The following TSPEAR variants were observed in gnomAD, a reference collection of about 807,000 sequenced individuals.
The protein encoded by TSPEAR is thrombospondin type laminin G domain and EAR repeats.
Under a neutral mutation model 71.6 loss-of-function variants are expected in TSPEAR, and 69 were observed. The observed-to-expected ratio is 0.96, with a 90% CI of 0.79 to 1.18. The LOEUF is 1.18. TSPEAR is among the 50% of genes most tolerant of loss of function. TSPEAR has a pLI of 0.00. For missense variants in TSPEAR, 971 were observed against 894.9 expected (o/e 1.09, Z -1.09); for synonymous variants, 402 against 387.2 (o/e 1.04, Z -0.45).
intron 1 of TSPEAR, among the ~76,000 whole-genome samples, chr21:44,682,737 GCTTCCAAAATGCAGTGTCAC>G (rs1184717740): frequency 7.9e-5 from 12 of 152,290 alleles, no homozygotes; most frequent in South Asian, 6.2e-4. Context: ...GCTGGGGCAG[GCTTCCAAAATGCAGTGTCAC>G]CTTCCAAAAT....
chr21:44,514,281 C>T (rs1281822572), intron 9 of TSPEAR, among the ~76,000 whole-genome samples: 1 of 152,220 alleles, frequency 6.6e-6, no homozygotes, highest in Non-Finnish European at 1.5e-5. Context: ...CACATGGCTG[C>T]CTGCCGGGCA....
intron 1 of TSPEAR, chr21:44,697,835 C>T: frequency 6.2e-7 from 1 of 1,613,574 alleles, no homozygotes; most frequent in Non-Finnish European, 8.5e-7. Context: ...CGTGCCCGTC[C>T]CCTCCTGCTG....
intron 1 of TSPEAR, among the ~76,000 whole-genome samples, chr21:44,595,619 C>G (rs1374413509): frequency 1.3e-5 from 2 of 152,184 alleles, no homozygotes; most frequent in African/African-American, 4.8e-5. Flanking sequence ...CACTGGGGCA[C>G]TTTAAACAAC....
intron 1 of TSPEAR, among the ~76,000 whole-genome samples, chr21:44,603,914 C>A (rs1981143063): frequency 6.6e-6 from 1 of 152,232 alleles, no homozygotes; most frequent in Non-Finnish European, 1.5e-5. Context: ...AGCACACAAT[C>A]AAAGTTTCCA....
In TSPEAR at chr21:44,508,674, G is replaced by A. The variant is rs114301585; in HGVS notation, c.1754+525C>T. 8.0e-4 allele frequency: 959 copies of A among 1,201,708 alleles called. 8 individuals are homozygous for A. In the African/African-American group the frequency reaches 0.012, roughly 15 times the overall value. 74.4% of individuals were successfully genotyped at this position (1,201,708 alleles called of 1,614,324 possible). ...GTCGGTCTGGAACCATCACTTTCTC[G>A]TACATACAGACCCACCCTCCATGTT... On this transcript the variant is annotated intron_variant, in intron 10 of 11. Transcript: ENST00000323084.
intron 1 of TSPEAR, among the ~76,000 whole-genome samples, chr21:44,656,472 A>C (rs1985154524): frequency 6.6e-6 from 1 of 151,480 alleles, no homozygotes; most frequent in African/African-American, 2.4e-5. Context: ...ATTTTTTTTG[A>C]GCATTTTAAA....
Position 44,529,901 on chromosome 21 carries a change from C to T in TSPEAR, c.687G>A (p.Leu229=). Residue 229 remains leucine (L), a synonymous_variant, in exon 5 of 12, where the codon CTG becomes CTA. Coordinates refer to ENST00000323084, the MANE Select transcript of TSPEAR (RefSeq NM_144991.3). ...CCAGCGGGGCGTTCCTGCTGGGACA[C>T]AGCCTTGGGGTGGCGTCTGAGCCCG... ...LLPGSDATPR[L]CPSRNAPLAV... is the part of the protein sequence containing the mutation. 2 of 1,612,620 alleles carry T rather than the reference C, an allele frequency of 1.2e-6. No individual in the cohort carries two copies. The highest frequency in any genetic ancestry group is 1.7e-4 in the Middle Eastern group (1 of 6,052).
intron 9 of TSPEAR, chr21:44,510,937 A>G (rs2052352864): frequency 6.6e-6 from 1 of 152,214 alleles, no homozygotes; most frequent in Non-Finnish European, 1.5e-5. Context: ...CCCCTCCTGC[A>G]GCTCCACGAG....
At chr21:44,568,791 T>C (rs1338961926) in intron 1 of TSPEAR, among the ~76,000 whole-genome samples, 1 of 152,160 alleles carries the variant, frequency 6.6e-6, no homozygotes, top group East Asian at 1.9e-4. Flanking sequence ...AGGGCGTGGC[T>C]GAATGAAGCA....
rs114816820 is a variant in TSPEAR at position 44,576,175 on chromosome 21, C to T, written c.83-8170G>A. On this transcript the variant is annotated intron_variant, in intron 1 of 11. Coordinates refer to ENST00000323084, the MANE Select transcript of TSPEAR (RefSeq NM_144991.3). ...CATGCACAGGTGTCAGAGGGTGGCC[C>T]GGGAACTCAGCCGCAGTGGAGGTGG... Among the ~76,000 whole-genome samples the T allele has an allele frequency of 6.1e-3, 935 of 152,312 alleles. 16 individuals are homozygous for T. Among genetic ancestry groups the T allele is most frequent in the African/African-American group, 0.02 (849 of 41,578 alleles).
chr21:44,612,329 G>A lies in TSPEAR; in HGVS notation c.83-44324C>T. Reference sequence around the variant, plus strand: ...AGCCCCCTGCCTGGCCCTGGTCTGTGCCCCAGTGAGCTGTGAGCCCAGCCC... The same window carrying A: ...AGCCCCCTGCCTGGCCCTGGTCTGTACCCCAGTGAGCTGTGAGCCCAGCCC... On this transcript the variant is annotated intron_variant, in intron 1 of 11. Transcript: ENST00000323084. The surrounding 1 kb of genome is among the most constrained non-coding windows in gnomAD (Gnocchi z 4.1). 3 of 1,613,658 alleles carry A rather than the reference G, an allele frequency of 1.9e-6. No homozygotes were observed. Among genetic ancestry groups the A allele is most frequent in the Non-Finnish European group, 2.5e-6 (3 of 1,180,002 alleles).
In TSPEAR at chr21:44,612,060, A is replaced by G. The variant is rs1981711369; in HGVS notation, c.83-44055T>C. The G allele has an allele frequency of 6.3e-7, 1 of 1,587,764 alleles. No individual in the cohort carries two copies. Among genetic ancestry groups the G allele is most frequent in the South Asian group, 1.1e-5 (1 of 88,232 alleles). ...GCAGCCAGGGCACACAAACCCACAC[A>G]CCTCACACCAGCACTCACACCACCC... On this transcript the variant is annotated intron_variant, in intron 1 of 11. Transcript: ENST00000323084. This position sits in a 1 kb window ranked among gnomAD's most constrained non-coding sequence, Gnocchi z 4.1.
chr21:44,514,562 C>T (rs1569156291), intron 9 of TSPEAR, among the ~76,000 whole-genome samples: 1 of 152,206 alleles, frequency 6.6e-6, no homozygotes, highest in Non-Finnish European at 1.5e-5. Context: ...GAAGCTGCAA[C>T]ACCTTCTGAG....
chr21:44,623,698 T>C lies in TSPEAR; in HGVS notation c.83-55693A>G, dbSNP rs782686088. Among the ~76,000 whole-genome samples the C allele has an allele frequency of 2.6e-5, 4 of 152,246 alleles. No individual in the cohort carries two copies. The highest frequency in any genetic ancestry group is 4.4e-5 in the Non-Finnish European group (3 of 68,030). Reference sequence around the variant, plus strand: ...TTCTTCCCAGGTGTAGAATTCTAGCTTGGTGCTTCTTTTCTTTCAGACAGT... The same window carrying C: ...TTCTTCCCAGGTGTAGAATTCTAGCCTGGTGCTTCTTTTCTTTCAGACAGT... On this transcript the variant is annotated intron_variant, in intron 1 of 11. Coordinates refer to ENST00000323084, the MANE Select transcript of TSPEAR (RefSeq NM_144991.3). This position sits in a 1 kb window ranked among gnomAD's most constrained non-coding sequence, Gnocchi z 4.5.
At chr21:44,690,335 C>G (rs1046610335) in intron 1 of TSPEAR, among the ~76,000 whole-genome samples, 2 of 152,126 alleles carry the variant, frequency 1.3e-5, no homozygotes, top group South Asian at 4.1e-4. Context: ...AGTCTTCAGG[C>G]TGAAAAGAAC....
chr21:44,601,966 A>G, intron 1 of TSPEAR: 1 of 660,544 alleles, frequency 1.5e-6, no homozygotes, highest in Non-Finnish European at 2.6e-6. Flanking sequence ...GTGGGCAGTG[A>G]CCCCAGCAAG....
intron 1 of TSPEAR, chr21:44,627,422 G>A: frequency 2.5e-6 from 4 of 1,613,772 alleles, no homozygotes; most frequent in Non-Finnish European, 3.4e-6. Context: ...CAGCAGTCTA[G>A]CTGCCAGCCG....
intron 1 of TSPEAR, among the ~76,000 whole-genome samples, chr21:44,694,180 C>T (rs993454869): frequency 1.3e-5 from 2 of 152,094 alleles, no homozygotes; most frequent in African/African-American, 4.8e-5. Context: ...TAGATTTCCA[C>T]ATGAAAAGAA....
rs782655029 is a variant in TSPEAR, at chr21:44,623,061, C to T, written c.83-55056G>A. ...ATGAGCAAAGCCCCCTGAGGCCTCCCCAGAAGCTGAGCAGATGCCAGCGCC... is the reference window on the plus strand; with the variant it reads ...ATGAGCAAAGCCCCCTGAGGCCTCCTCAGAAGCTGAGCAGATGCCAGCGCC... On this transcript the variant is annotated intron_variant, in intron 1 of 11. Coordinates refer to ENST00000323084, the MANE Select transcript of TSPEAR (RefSeq NM_144991.3). This position sits in a 1 kb window ranked among gnomAD's most constrained non-coding sequence, Gnocchi z 4.5. 1.1e-4 allele frequency among the ~76,000 whole-genome samples: 17 copies of T among 152,172 alleles called. No homozygotes were observed. Among genetic ancestry groups the T allele is most frequent in the Non-Finnish European group, 2.2e-4 (15 of 68,022 alleles).
Sources: gnomAD v4.1 joint callset for allele counts (sites outside exome capture counted in the v4.1 genomes callset) on GRCh38, gnomAD v4.1.1 for gene constraint, Gnocchi (gnomAD v3.1) non-coding constraint, MANE v1.5 for transcripts, NCBI Gene and HGNC (gene_info 2026-07-23, HGNC 2026-07-21) for gene names.